The following UCK2 variants were observed in gnomAD, a reference collection of about 807,000 sequenced individuals.
UCK2 encodes the protein uridine-cytidine kinase 2, also known as cytidine monophosphokinase 2.
UCK2 carries 6 observed loss-of-function variants against 30.8 expected under a neutral mutation model. The observed-to-expected ratio is 0.19, with a 90% CI of 0.11 to 0.38. The LOEUF (loss-of-function observed/expected upper bound fraction) is 0.38, where lower values mean the gene tolerates loss of function less well. UCK2 is among the 10% of genes least tolerant of loss of function. UCK2 has a pLI of 1.00. For synonymous variants in UCK2, 125 were observed against 133.6 expected, an observed-to-expected ratio of 0.94 and a Z score of 0.45; for missense variants, 210 against 339.8, an observed-to-expected ratio of 0.62 and a Z score of 3.00.
rs1653917348 is a variant in UCK2 at position 165,827,657 on chromosome 1, C to T, written c.-177C>T. 1 of 449,934 alleles carries T rather than the reference C, an allele frequency of 2.2e-6. No homozygotes were observed. The highest frequency in any genetic ancestry group is 2.0e-5 in the African/African-American group (1 of 49,026). The allele number at this position is 449,934 out of a possible 1,614,324, so 27.9% of individuals were successfully genotyped here. On this transcript the variant is annotated 5_prime_UTR_variant, in exon 1 of 7. Coordinates refer to ENST00000367879, the MANE Select transcript of UCK2 (RefSeq NM_012474.5). ...TGCGGGCAAAGGAAGGCTCTTGGCT[C>T]CTTCGGGAAACCCAGCCCCGTCACC... is the stretch of plus-strand genomic sequence containing the variant.
chr1:165,888,604 C>G (rs529463387), intron 1 of UCK2, among the ~76,000 whole-genome samples: 8 of 148,808 alleles, frequency 5.4e-5, no homozygotes, highest in Admixed American at 2.7e-4. Flanking sequence ...TGCTGTTTTT[C>G]CTTTCTATTT....
At chr1:165,879,379 T>C (rs1655421330) in intron 1 of UCK2, among the ~76,000 whole-genome samples, 1 of 152,198 alleles carries the variant, frequency 6.6e-6, no homozygotes. Context: ...GCACCACTTC[T>C]TGAAAAGGCT....
intron 1 of UCK2, among the ~76,000 whole-genome samples, chr1:165,888,445 C>T (rs1655677311): frequency 6.6e-6 from 1 of 151,952 alleles, no homozygotes; most frequent in Non-Finnish European, 1.5e-5. Context: ...GCATGTGCCA[C>T]CATGCCTGGC....
At chr1:165,904,246 C>T (rs1259502010) in intron 5 of UCK2, 1 of 152,206 alleles carries the variant, frequency 6.6e-6, no homozygotes, top group Non-Finnish European at 1.5e-5. Flanking sequence ...ATATCTCAAA[C>T]TGTCTTTGTT....
At chr1:165,863,644 A>T (rs1654975244) in intron 1 of UCK2, among the ~76,000 whole-genome samples, 1 of 152,222 alleles carries the variant, frequency 6.6e-6, no homozygotes, top group Non-Finnish European at 1.5e-5. Flanking sequence ...CTTCTGAGAG[A>T]TAAAGGGAGT....
intron 1 of UCK2, among the ~76,000 whole-genome samples, chr1:165,884,848 T>G (rs1655580318): frequency 6.6e-6 from 1 of 152,196 alleles, no homozygotes; most frequent in African/African-American, 2.4e-5. Context: ...GATGAGCTGT[T>G]TACTGCCACT....
At chr1:165,888,045 A>G (rs951112172) in intron 1 of UCK2, among the ~76,000 whole-genome samples, 1 of 152,238 alleles carries the variant, frequency 6.6e-6, no homozygotes, top group Non-Finnish European at 1.5e-5. Context: ...CACAGCTTGT[A>G]TAACAGGACG....
At chr1:165,865,880 T>C (rs1368498999) in intron 1 of UCK2, among the ~76,000 whole-genome samples, 1 of 152,226 alleles carries the variant, frequency 6.6e-6, no homozygotes, top group Non-Finnish European at 1.5e-5. Flanking sequence ...AGGCCAGTTC[T>C]TTTGATTCTA....
At chr1:165,896,944 G>T (rs1647281206) in intron 4 of UCK2, among the ~76,000 whole-genome samples, 1 of 152,232 alleles carries the variant, frequency 6.6e-6, no homozygotes, top group Admixed American at 6.5e-5. Flanking sequence ...GAGGAGCCCA[G>T]CCTGTGAACT....
intron 4 of UCK2, 130 bp from the exon 5 acceptor site, chr1:165,903,052 C>G: frequency 2.9e-6 from 2 of 682,250 alleles, no homozygotes; most frequent in Middle Eastern, 5.5e-4. Context: ...GGTCAAGCCT[C>G]TCAGGATTCC....
In UCK2 at chr1:165,875,763, T is replaced by C. The variant is rs181047055; in HGVS notation, c.100-14441T>C. ...ATGAAGAGACGCACAGGGCAAGGCA[T>C]GGGGAAAGAGGTGCGGAGTTTCCAA... On this transcript the variant is annotated intron_variant, in intron 1 of 6. Coordinates refer to ENST00000367879, the MANE Select transcript of UCK2 (RefSeq NM_012474.5). 2.0e-4 allele frequency among the ~76,000 whole-genome samples: 31 copies of C among 152,262 alleles called. No individual in the cohort carries two copies. In the East Asian group the frequency reaches 5.6e-3, roughly 27 times the overall value.
intron 1 of UCK2, among the ~76,000 whole-genome samples, chr1:165,872,163 C>T (rs1018738973): frequency 1.3e-4 from 20 of 152,192 alleles, no homozygotes; most frequent in African/African-American, 4.8e-4. Flanking sequence ...CAAACACCAC[C>T]TTCCAGGTTC....
intron 1 of UCK2, among the ~76,000 whole-genome samples, chr1:165,866,372 C>G (rs1369370371): frequency 1.3e-5 from 2 of 152,084 alleles, no homozygotes; most frequent in Admixed American, 1.3e-4. Flanking sequence ...GAGACTCTAC[C>G]TGAAAAATGT....
At chr1:165,904,411 C>A (rs1043165446) in intron 5 of UCK2, among the ~76,000 whole-genome samples, 1 of 152,108 alleles carries the variant, frequency 6.6e-6, no homozygotes, top group African/African-American at 2.4e-5. Context: ...TGGAAAGAGA[C>A]CAGAGGGGGC....
At chr1:165,881,457 C>G (rs760729427) in intron 1 of UCK2, among the ~76,000 whole-genome samples, 14 of 152,164 alleles carry the variant, frequency 9.2e-5, no homozygotes, top group Non-Finnish European at 1.8e-4. Context: ...ACTGCTTACT[C>G]TACTGTGTGG....
intron 1 of UCK2, among the ~76,000 whole-genome samples, chr1:165,851,239 A>G (rs1228546590): frequency 1.3e-5 from 2 of 152,200 alleles, no homozygotes; most frequent in Non-Finnish European, 1.5e-5. Flanking sequence ...CGGTTGTGAA[A>G]GGCACATTGT....
chr1:165,878,930 A>C lies in UCK2; in HGVS notation c.100-11274A>C, dbSNP rs112228810. Among the ~76,000 whole-genome samples, 38 of 152,342 alleles carry C rather than the reference A, an allele frequency of 2.5e-4. 1 individual carries two copies. Among genetic ancestry groups the C allele is most frequent in the African/African-American group, 8.9e-4 (37 of 41,580 alleles). On this transcript the variant is annotated intron_variant, in intron 1 of 6. Coordinates refer to ENST00000367879, the MANE Select transcript of UCK2 (RefSeq NM_012474.5). ...AGTGGCTATACCATTTTGCAGCCCT[A>C]CCAGCAATGAGTGAGAGTTCCTGTT...
intron 1 of UCK2, among the ~76,000 whole-genome samples, chr1:165,874,642 CTTAGGATATGCT>C (rs966918742): frequency 2.6e-5 from 4 of 152,138 alleles, no homozygotes; most frequent in African/African-American, 9.7e-5. Context: ...TCTTCTCATT[CTTAGGATATGCT>C]TCAGTTATGG....
intron 1 of UCK2, among the ~76,000 whole-genome samples, chr1:165,878,276 A>G (rs1378420326): frequency 6.6e-6 from 1 of 151,968 alleles, no homozygotes; most frequent in East Asian, 1.9e-4. Flanking sequence ...TTCACTTAGC[A>G]ATATGCATTT....
Sources: allele counts gnomAD v4.1 joint callset (sites outside exome capture counted in the v4.1 genomes callset), GRCh38; gene constraint gnomAD v4.1.1; transcripts MANE v1.5; gene names NCBI Gene and HGNC (gene_info 2026-07-23, HGNC 2026-07-21).